The following DCP2 variants were observed in gnomAD, a reference collection of about 807,000 sequenced individuals.
The protein encoded by DCP2 is decapping mRNA 2.
In DCP2, 30 loss-of-function variants were observed where a neutral mutation model predicts 56.1. The ratio of observed to expected loss-of-function variants is 0.53; its 90% CI spans 0.40 to 0.73. The LOEUF (loss-of-function observed/expected upper bound fraction) is 0.73. DCP2 is among the 30% of genes least tolerant of loss of function. The pLI is 0.00. For synonymous variants in DCP2, 197 were observed against 163.3 expected (o/e 1.21, Z -1.57); for missense variants, 533 against 502.7 (o/e 1.06, Z -0.58).
chr5:113,004,674 C>A (rs114674878), intron 8 of DCP2, among the ~76,000 whole-genome samples: 1 of 152,078 alleles, frequency 6.6e-6, no homozygotes, highest in Non-Finnish European at 1.5e-5. Context: ...ACTGGATATG[C>A]CTGTGTTATT....
intron 4 of DCP2, among the ~76,000 whole-genome samples, chr5:112,999,430 G>C (rs1015281725): frequency 1.3e-5 from 2 of 151,914 alleles, no homozygotes; most frequent in African/African-American, 4.8e-5. Context: ...TGGGGTTCAA[G>C]TGATTCTCCT....
At position 112,976,818 on chromosome 5, in the gene DCP2, C is replaced by T. The variant is rs768273559; in HGVS notation, c.-116C>T. On this transcript the variant is annotated 5_prime_UTR_variant, in exon 1 of 11. Transcript: ENST00000389063. ...CCCTTCTCGTCTCCGTTGGAGTCGT[C>T]TCTGCCGCGGCTTCCTCGGCTGCCA... 7 of 1,059,000 alleles carry T rather than the reference C, an allele frequency of 6.6e-6. No individual in the cohort carries two copies. Among genetic ancestry groups the T allele is most frequent in the South Asian group, 5.0e-5 (4 of 79,966 alleles). 65.6% of individuals were successfully genotyped at this position (1,059,000 alleles called of 1,614,324 possible). A position where few individuals can be genotyped will look rare whatever the true frequency, so the allele number is the denominator to read the frequency against.
rs144646598 is a variant in DCP2 at position 112,998,912 on chromosome 5, T to A, written c.433-2172T>A. On this transcript the variant is annotated intron_variant, in intron 4 of 10. Coordinates refer to ENST00000389063, the MANE Select transcript of DCP2 (RefSeq NM_152624.6). ...AATGTAACATTGATATGGTGCTGTT[T>A]GTTATCTAATGGACAGTTCATATTC... is the stretch of plus-strand genomic sequence containing the variant. Among the ~76,000 whole-genome samples, 851 of 152,340 alleles carry A rather than the reference T, an allele frequency of 5.6e-3. 18 individuals carry two copies. The highest frequency in any genetic ancestry group is 6.0e-3 in the Non-Finnish European group (405 of 68,032).
intron 9 of DCP2, among the ~76,000 whole-genome samples, chr5:113,010,554 C>T (rs984893158): frequency 1.3e-5 from 2 of 151,872 alleles, no homozygotes; most frequent in Admixed American, 6.5e-5. Flanking sequence ...TGTATGTAAT[C>T]AAGAACTAAA....
In DCP2 at chr5:113,021,611, C is replaced by A. The variant is rs1326637616; in HGVS notation, c.*8127C>A. Among the ~76,000 whole-genome samples the A allele has an allele frequency of 6.6e-6, 1 of 152,140 alleles. No individual in the cohort carries two copies. Among genetic ancestry groups the A allele is most frequent in the Non-Finnish European group, 1.5e-5 (1 of 68,016 alleles). On this transcript the variant is annotated 3_prime_UTR_variant, in exon 11 of 11. Transcript: ENST00000389063. ...TTGGATCTCAAGGGGGAAAGAAATA[C>A]ATTCTTTTCCATTAGAGACCTCAGC... is the stretch of plus-strand genomic sequence containing the variant.
rs901525529 is a variant in DCP2 at position 113,001,800 on chromosome 5, C to G, written c.806+126C>G. ...TTTATAGATACTCTTTGTTACTGGT[C>G]TCACAGATAATAGAAGATTTTTTTA... On this transcript the variant is annotated intron_variant, in intron 7 of 10. Transcript: ENST00000389063. The G allele has an allele frequency of 8.3e-6, 7 of 841,642 alleles. No individual in the cohort carries two copies. The Admixed American group carries it at 1.3e-4, about 16-fold the overall frequency. The allele number at this position is 841,642 out of a possible 1,614,324, so 52.1% of individuals were successfully genotyped here. A position where few individuals can be genotyped will look rare whatever the true frequency, so the allele number is the denominator to read the frequency against.
chr5:113,015,780 A>C lies in DCP2; in HGVS notation c.*2296A>C, dbSNP rs1749861179. ...GTACATCTACTATACTTATTCTCTC[A>C]AACCTGGGTAATAGTTTCTCAGTGT... On this transcript the variant is annotated 3_prime_UTR_variant, in exon 11 of 11. Coordinates refer to ENST00000389063, the MANE Select transcript of DCP2 (RefSeq NM_152624.6). 2 of 152,780 alleles carry C rather than the reference A, an allele frequency of 1.3e-5. No individual in the cohort carries two copies. Among genetic ancestry groups the C allele is most frequent in the South Asian group, 4.1e-4 (2 of 4,830 alleles). The allele number at this position is 152,780 out of a possible 1,614,324, so 9.5% of individuals were successfully genotyped here. A position where few individuals can be genotyped will look rare whatever the true frequency, so the allele number is the denominator to read the frequency against.
At chr5:112,985,787 C>T (rs776906543) in intron 1 of DCP2, 48 bp from the exon 2 acceptor site, 13 of 1,576,292 alleles carry the variant, frequency 8.2e-6, no homozygotes, top group Non-Finnish European at 1.0e-5. Flanking sequence ...TAAGATAAAT[C>T]GTTATAGTTT....
chr5:112,997,633 G>A (rs1748926967), intron 4 of DCP2, among the ~76,000 whole-genome samples: 1 of 145,940 alleles, frequency 6.9e-6, no homozygotes, highest in Non-Finnish European at 1.5e-5. Context: ...TTTTTGAGAC[G>A]GAGTCTTGTT....
intron 8 of DCP2, among the ~76,000 whole-genome samples, chr5:113,006,854 C>T (rs1285531812): frequency 1.3e-5 from 2 of 152,080 alleles, no homozygotes; most frequent in East Asian, 1.9e-4. Context: ...AAATCTTAGC[C>T]GGGAACGTTG....
chr5:112,987,239 A>G (rs1464821925), intron 2 of DCP2, among the ~76,000 whole-genome samples: 2 of 152,188 alleles, frequency 1.3e-5, no homozygotes, highest in Non-Finnish European at 2.9e-5. Context: ...TTTTGAGGGA[A>G]TATAGGATTT....
At position 113,001,635 on chromosome 5, in the gene DCP2, C is replaced by G. The variant is rs376171167; in HGVS notation, c.767C>G (p.Thr256Ser). Residue 256 changes from threonine to serine, a missense_variant, in exon 7 of 11, where the codon ACT becomes AGT. By Grantham distance (58) the Thr-to-Ser change is moderately conservative. Transcript: ENST00000389063. ...GACAGTGACAATGGATTTTCCTCAA[C>G]TGGTAGCACGCCGGCTAAACCCACT... ...SSDSDNGFSS[T>S]GSTPAKPTVE... 6.2e-7 allele frequency: 1 copy of G among 1,614,022 alleles called. No individual in the cohort carries two copies. The highest frequency in any genetic ancestry group is 8.5e-7 in the Non-Finnish European group (1 of 1,180,026).
At chr5:113,002,365 G>A (rs941759317) in intron 7 of DCP2, among the ~76,000 whole-genome samples, 3 of 151,386 alleles carry the variant, frequency 2.0e-5, no homozygotes, top group African/African-American at 7.3e-5. Flanking sequence ...GGAGGTTTCA[G>A]TGGGCCAAGA....
At chr5:112,981,560 T>C (rs955512059) in intron 1 of DCP2, among the ~76,000 whole-genome samples, 4 of 152,190 alleles carry the variant, frequency 2.6e-5, no homozygotes, top group Non-Finnish European at 4.4e-5. Context: ...TAAATAGATA[T>C]GTAGTTTTTA....
chr5:112,986,476 A>G (rs933922760), intron 2 of DCP2, among the ~76,000 whole-genome samples: 2 of 151,856 alleles, frequency 1.3e-5, no homozygotes, highest in Non-Finnish European at 2.9e-5. Context: ...CTGTGACTAC[A>G]GGCATGCGCT....
chr5:112,977,113 C>T (rs1561680002), intron 1 of DCP2, 127 bp downstream of exon 1: 2 of 672,614 alleles, frequency 3.0e-6, no homozygotes, highest in Non-Finnish European at 4.7e-6. Flanking sequence ...CCGCTGCTCG[C>T]TTTCCATCGT....
At chr5:112,999,844 T>G (rs1308942961) in intron 4 of DCP2, among the ~76,000 whole-genome samples, 1 of 151,360 alleles carries the variant, frequency 6.6e-6, no homozygotes, top group African/African-American at 2.4e-5. Context: ...GTGGATCACC[T>G]GAGGTCAGGA....
chr5:112,987,607 C>T (rs1248733396), intron 2 of DCP2, among the ~76,000 whole-genome samples: 2 of 142,786 alleles, frequency 1.4e-5, no homozygotes, highest in Non-Finnish European at 1.5e-5. Flanking sequence ...TGCAAGCCAC[C>T]ACACCTAGGT....
At chr5:112,998,089 A>C (rs2150181178) in intron 4 of DCP2, among the ~76,000 whole-genome samples, 1 of 152,306 alleles carries the variant, frequency 6.6e-6, no homozygotes, top group South Asian at 2.1e-4. Flanking sequence ...TATATATTTC[A>C]ACTATTATAA....
Sources: gnomAD v4.1 joint callset for allele counts (sites outside exome capture counted in the v4.1 genomes callset) on GRCh38, gnomAD v4.1.1 for gene constraint, MANE v1.5 for transcripts, NCBI Gene and HGNC (gene_info 2026-07-23, HGNC 2026-07-21) for gene names.